Variants in CDH12 observed in about 807,000 individuals in gnomAD.
CDH12 encodes the protein cadherin-12.
CDH12 carries 41 observed loss-of-function variants against 74.1 expected under a neutral mutation model. The ratio of observed to expected loss-of-function variants is 0.55; its 90% confidence interval spans 0.43 to 0.72. The LOEUF (loss-of-function observed/expected upper bound fraction) is 0.72, where lower values mean the gene tolerates loss of function less well. CDH12 is among the 30% of genes least tolerant of loss of function. CDH12 has a pLI of 0.00. For missense variants in CDH12, 945 were observed against 977.2 expected (o/e 0.97, Z 0.44); for synonymous variants, 399 against 355.0 (o/e 1.12, Z -1.39).
intron 1 of CDH12, among the ~76,000 whole-genome samples, chr5:22,766,663 A>G (rs1047114108): frequency 6.6e-6 from 1 of 152,082 alleles, no homozygotes; most frequent in Non-Finnish European, 1.5e-5. Context: ...CTGTGCATTC[A>G]ACCAACAGCA....
chr5:22,463,123 G>T (rs1745586013), intron 2 of CDH12, among the ~76,000 whole-genome samples: 1 of 152,154 alleles, frequency 6.6e-6, no homozygotes, highest in South Asian at 2.1e-4. Context: ...AATGATACAT[G>T]AGATAAAATA....
chr5:22,302,863 C>A (rs1737950795), intron 3 of CDH12, among the ~76,000 whole-genome samples: 2 of 152,042 alleles, frequency 1.3e-5, no homozygotes, highest in Admixed American at 1.3e-4. Context: ...AGACCACATA[C>A]ACACACACAT....
chr5:22,406,307 G>A (rs1333779598), intron 2 of CDH12, among the ~76,000 whole-genome samples: 4 of 152,110 alleles, frequency 2.6e-5, no homozygotes, highest in South Asian at 2.1e-4. Context: ...CTGCAATGAC[G>A]AGAGTCATCA....
chr5:22,400,646 T>C (rs1219016243), intron 3 of CDH12, among the ~76,000 whole-genome samples: 1 of 152,020 alleles, frequency 6.6e-6, no homozygotes, highest in Admixed American at 6.6e-5. Context: ...TTGGTAGAAA[T>C]CTAATATATT....
At chr5:22,607,218 A>T (rs1403990496) in intron 1 of CDH12, among the ~76,000 whole-genome samples, 1 of 152,328 alleles carries the variant, frequency 6.6e-6, no homozygotes, top group East Asian at 1.9e-4. Context: ...AGAAATTTGC[A>T]TAAGTAATGA....
At chr5:21,861,104 G>A (rs926007483) in intron 6 of CDH12, among the ~76,000 whole-genome samples, 4 of 151,910 alleles carry the variant, frequency 2.6e-5, no homozygotes, top group African/African-American at 4.8e-5. Flanking sequence ...CCTTCACTGC[G>A]GATCAAAAAT....
chr5:22,737,447 T>A (rs947302306), intron 1 of CDH12, among the ~76,000 whole-genome samples: 1 of 151,976 alleles, frequency 6.6e-6, no homozygotes, highest in African/African-American at 2.4e-5. Context: ...TCTTTACTGA[T>A]TTAACTGATT....
At chr5:22,570,851 C>G (rs1349726723) in intron 1 of CDH12, among the ~76,000 whole-genome samples, 2 of 152,140 alleles carry the variant, frequency 1.3e-5, no homozygotes, top group African/African-American at 4.8e-5. Context: ...GTTTCATCTA[C>G]CTTAAAAATC....
intron 8 of CDH12, among the ~76,000 whole-genome samples, chr5:21,834,765 T>C (rs1438824677): frequency 1.3e-5 from 2 of 151,928 alleles, no homozygotes; most frequent in African/African-American, 4.8e-5. Context: ...TTTATTAAAT[T>C]ATATGTTAGA....
chr5:22,051,891 G>C (rs112978443), intron 5 of CDH12, among the ~76,000 whole-genome samples: 7 of 152,218 alleles, frequency 4.6e-5, no homozygotes, highest in African/African-American at 1.7e-4. Context: ...GAAGCACATA[G>C]ATGATTTAAG....
At chr5:22,452,880 C>CAAA (rs768945480) in intron 2 of CDH12, among the ~76,000 whole-genome samples, 47 of 32,192 alleles carry the variant, frequency 1.5e-3, no homozygotes, top group African/African-American at 1.9e-3. Context: ...AACCTAAGAG[C>CAAA]AAAAAAAAAA....
At chr5:21,905,792 A>G (rs1331713030) in intron 6 of CDH12, among the ~76,000 whole-genome samples, 1 of 151,926 alleles carries the variant, frequency 6.6e-6, no homozygotes, top group African/African-American at 2.4e-5. Context: ...CTCCCCTTTC[A>G]CTGCTTTATT....
intron 1 of CDH12, among the ~76,000 whole-genome samples, chr5:22,756,270 C>T (rs577473558): frequency 1.3e-5 from 2 of 152,024 alleles, no homozygotes; most frequent in East Asian, 1.9e-4. Flanking sequence ...ACTAGTATAG[C>T]GGTTGTAACA....
chr5:22,807,721 T>C (rs1748888397), intron 1 of CDH12, among the ~76,000 whole-genome samples: 1 of 152,196 alleles, frequency 6.6e-6, no homozygotes, highest in Non-Finnish European at 1.5e-5. Context: ...TAAGTACTTG[T>C]GTATATAAAC....
intron 1 of CDH12, among the ~76,000 whole-genome samples, chr5:22,635,581 T>G (rs1299933981): frequency 6.6e-6 from 1 of 152,148 alleles, no homozygotes; most frequent in East Asian, 1.9e-4. Flanking sequence ...TGTCTTCAAA[T>G]TATATATCTG....
chr5:22,688,064 C>T (rs1365774544), intron 1 of CDH12, among the ~76,000 whole-genome samples: 1 of 151,930 alleles, frequency 6.6e-6, no homozygotes, highest in African/African-American at 2.4e-5. Flanking sequence ...TCATGTACTG[C>T]ATTTGTAAGT....
At chr5:22,849,138 T>C (rs1159693161) in intron 1 of CDH12, among the ~76,000 whole-genome samples, 1 of 152,104 alleles carries the variant, frequency 6.6e-6, no homozygotes, top group African/African-American at 2.4e-5. Flanking sequence ...AGCTTAGAGA[T>C]GAGGAAGGTT....
intron 3 of CDH12, among the ~76,000 whole-genome samples, chr5:22,311,659 C>T (rs1043111794): frequency 6.8e-5 from 10 of 147,032 alleles, no homozygotes; most frequent in African/African-American, 1.8e-4. Context: ...GCTGAGATCA[C>T]GCCATTGCAC....
intron 3 of CDH12, among the ~76,000 whole-genome samples, chr5:22,288,237 A>C (rs1280962264): frequency 6.6e-6 from 1 of 152,186 alleles, no homozygotes; most frequent in African/African-American, 2.4e-5. Flanking sequence ...TCACTTGAAG[A>C]TAGAGAACAT....
Sources: gnomAD v4.1 joint callset for allele counts (sites outside exome capture counted in the v4.1 genomes callset) on GRCh38, gnomAD v4.1.1 for gene constraint, MANE v1.5 for transcripts, NCBI Gene and HGNC (gene_info 2026-07-23, HGNC 2026-07-21) for gene names.